SHLD1: variants seen among roughly 807,000 people sequenced by gnomAD.
The protein encoded by SHLD1 is RINN1-REV7-interacting novel NHEJ regulator 3.
Under a neutral mutation model 5.5 loss-of-function variants are expected in SHLD1, and 3 were observed. That is an observed-to-expected ratio of 0.54 (90% CI 0.25 to 1.40). The LOEUF (loss-of-function observed/expected upper bound fraction) is 1.40. SHLD1 is among the 40% of genes most tolerant of loss of function. SHLD1 has a pLI of 0.15. For missense variants in SHLD1, 210 were observed against 244.4 expected (o/e 0.86, Z 0.94); for synonymous variants, 92 against 94.3 (o/e 0.98, Z 0.14).
At chr20:5,791,563 CAAA>C (rs34606715) in intron 2 of SHLD1, among the ~76,000 whole-genome samples, 2 of 61,006 alleles carry the variant, frequency 3.3e-5, no homozygotes, top group Admixed American at 2.1e-4. Flanking sequence ...GACCCTGTCT[CAAA>C]AAAAAAAAAA....
At chr20:5,798,942 G>A (rs1015550966) in intron 2 of SHLD1, among the ~76,000 whole-genome samples, 1 of 152,180 alleles carries the variant, frequency 6.6e-6, no homozygotes, top group Non-Finnish European at 1.5e-5. Flanking sequence ...CCCATACTTT[G>A]GAAGGCCAAG....
At chr20:5,788,719 T>G (rs906992530) in intron 2 of SHLD1, among the ~76,000 whole-genome samples, 10 of 152,234 alleles carry the variant, frequency 6.6e-5, no homozygotes, top group African/African-American at 2.2e-4. Flanking sequence ...GGAGGTAATT[T>G]CTCTTAAGGT....
intron 2 of SHLD1, among the ~76,000 whole-genome samples, chr20:5,790,451 C>CTTTTTTT (rs71197798): frequency 1.1e-5 from 1 of 91,130 alleles, no homozygotes; most frequent in Non-Finnish European, 2.1e-5. Flanking sequence ...TAAAGGATTT[C>CTTTTTTT]TTTTTTTTTT....
intron 2 of SHLD1, among the ~76,000 whole-genome samples, chr20:5,829,120 C>T (rs932620842): frequency 6.6e-6 from 1 of 152,122 alleles, no homozygotes; most frequent in African/African-American, 2.4e-5. Context: ...AATCTATCTG[C>T]CCGCCTTGGC....
At chr20:5,796,830 G>GA (rs1259266796) in intron 2 of SHLD1, among the ~76,000 whole-genome samples, 1,507 of 89,424 alleles carry the variant, frequency 0.017, 26 homozygotes, top group African/African-American at 0.046. Context: ...CCCTGTCTCA[G>GA]AAAAAAAAAA....
chr20:5,756,820 C>G (rs1158629697), intron 1 of SHLD1: 2 of 273,530 alleles, frequency 7.3e-6, no homozygotes, highest in African/African-American at 4.6e-5. Context: ...AGGCGTAAGC[C>G]ACCACATCTG....
At chr20:5,840,462 A>T (rs755255335) in intron 2 of SHLD1, among the ~76,000 whole-genome samples, 4 of 152,194 alleles carry the variant, frequency 2.6e-5, no homozygotes, top group Non-Finnish European at 5.9e-5. Context: ...GAGATGGGAC[A>T]TAGGACCTTC....
intron 2 of SHLD1, among the ~76,000 whole-genome samples, chr20:5,804,363 A>C (rs1194484735): frequency 1.3e-5 from 2 of 151,340 alleles, no homozygotes; most frequent in African/African-American, 4.9e-5. Context: ...ATATATATAT[A>C]TACAGTTACT....
At chr20:5,850,702 G>C (rs1344405219) in intron 2 of SHLD1, among the ~76,000 whole-genome samples, 1 of 151,926 alleles carries the variant, frequency 6.6e-6, no homozygotes, top group African/African-American at 2.4e-5. Context: ...GTAGAGACGA[G>C]GGTTTCACCA....
intron 2 of SHLD1, among the ~76,000 whole-genome samples, chr20:5,860,476 C>T (rs2088147043): frequency 6.6e-6 from 1 of 152,130 alleles, no homozygotes; most frequent in African/African-American, 2.4e-5. Context: ...ATAAAATCAT[C>T]AAAATCAAGA....
chr20:5,783,879 C>T (rs777319394), intron 2 of SHLD1, among the ~76,000 whole-genome samples: 4 of 151,978 alleles, frequency 2.6e-5, no homozygotes, highest in African/African-American at 7.2e-5. Flanking sequence ...CGGCCGGGTG[C>T]GGTGGCTCAC....
At chr20:5,764,162 A>ATATATATATTT (rs1234998173) in intron 1 of SHLD1, among the ~76,000 whole-genome samples, 3 of 83,796 alleles carry the variant, frequency 3.6e-5, no homozygotes, top group Admixed American at 1.6e-4. Flanking sequence ...TTATATTTAT[A>ATATATATATTT]TATATATATA....
chr20:5,859,777 G>T (rs565086173), intron 2 of SHLD1, among the ~76,000 whole-genome samples: 2 of 152,162 alleles, frequency 1.3e-5, no homozygotes, highest in African/African-American at 4.8e-5. Flanking sequence ...GTATGTCATT[G>T]GTCTTCTGAA....
At position 5,851,521 on chromosome 20, in the gene SHLD1, C is replaced by G. The variant is rs948561353; in HGVS notation, c.179-11503C>G. 5.3e-5 allele frequency among the ~76,000 whole-genome samples: 8 copies of G among 149,936 alleles called. 1 individual carries two copies. The highest frequency in any genetic ancestry group is 4.0e-4 in the Admixed American group (6 of 15,058). Reference sequence around the variant, plus strand: ...AAAAAAAAAAAAAGAAAAGAGAAGTCTACACCAGCCGTTGTCCAATAAAAA... The same window carrying G: ...AAAAAAAAAAAAAGAAAAGAGAAGTGTACACCAGCCGTTGTCCAATAAAAA... On this transcript the variant is annotated intron_variant, in intron 2 of 2. Transcript: ENST00000303142.
intron 2 of SHLD1, among the ~76,000 whole-genome samples, chr20:5,785,704 G>A (rs569782537): frequency 6.6e-5 from 10 of 150,848 alleles, no homozygotes; most frequent in South Asian, 2.1e-4. Context: ...GCTGAGACAG[G>A]AGAATTGCTT....
At chr20:5,817,426 CTCTCTCTG>C (rs1307493068) in intron 2 of SHLD1, among the ~76,000 whole-genome samples, 77 of 127,018 alleles carry the variant, frequency 6.1e-4, no homozygotes, top group Non-Finnish European at 8.7e-4. Flanking sequence ...CTCTCTCTCT[CTCTCTCTG>C]TGTGTGTGTG....
chr20:5,763,946 T>TAAAA (rs1233102331), intron 1 of SHLD1, among the ~76,000 whole-genome samples: 36 of 70,182 alleles, frequency 5.1e-4, no homozygotes, highest in African/African-American at 1.7e-3. Context: ...CCGTCTTTAC[T>TAAAA]AAAAAAAAAA....
chr20:5,776,765 AAATAAT>A (rs980761810), intron 2 of SHLD1, among the ~76,000 whole-genome samples: 7 of 151,954 alleles, frequency 4.6e-5, no homozygotes, highest in African/African-American at 2.4e-5. Context: ...TCCGACTCAA[AAATAAT>A]AATAATAATA....
chr20:5,821,284 G>A (rs1480072635), intron 2 of SHLD1, among the ~76,000 whole-genome samples: 3 of 151,992 alleles, frequency 2.0e-5, no homozygotes, highest in Non-Finnish European at 2.9e-5. Flanking sequence ...AGGCTGAGGT[G>A]GGCGGATCAC....
Sources: gnomAD v4.1 joint callset for allele counts (sites outside exome capture counted in the v4.1 genomes callset) on GRCh38, gnomAD v4.1.1 for gene constraint, MANE v1.5 for transcripts, NCBI Gene and HGNC (gene_info 2026-07-23, HGNC 2026-07-21) for gene names.